CISD1: variants seen among roughly 807,000 people sequenced by gnomAD.
CISD1 encodes CDGSH iron-sulfur domain-containing protein 1.
Under a neutral mutation model 12.0 loss-of-function variants are expected in CISD1, and 8 were observed. The ratio of observed to expected loss-of-function variants is 0.67; its 90% CI spans 0.39 to 1.20. CISD1 has a LOEUF of 1.20. Among genes scored for constraint, CISD1 ranks in the 50% most tolerant of loss-of-function variants. The pLI, the probability that CISD1 is intolerant of heterozygous loss-of-function variation, is 0.01. For missense variants in CISD1, 107 were observed against 132.7 expected (o/e 0.81, Z 0.95); for synonymous variants, 38 against 42.2 (o/e 0.90, Z 0.39).
At position 58,269,171 on chromosome 10, in the gene CISD1, G is replaced by C. The variant is rs1839206125; in HGVS notation, c.-103G>C. 4.0e-6 allele frequency: 5 copies of C among 1,241,368 alleles called. No homozygotes were observed. The highest frequency in any genetic ancestry group is 4.7e-6 in the Non-Finnish European group (4 of 858,786). 76.9% of individuals were successfully genotyped at this position (1,241,368 alleles called of 1,614,324 possible). ...GCGGCGCCTGCGCGGTAGCATCGCG[G>C]AGTCGGTGCTTTAGTACGCCGCTGG... is the stretch of plus-strand genomic sequence containing the variant. On this transcript the variant is annotated 5_prime_UTR_variant, in exon 1 of 3. Coordinates refer to ENST00000333926, the MANE Select transcript of CISD1 (RefSeq NM_018464.5).
intron 1 of CISD1, among the ~76,000 whole-genome samples, chr10:58,272,129 A>C (rs1272856635): frequency 6.6e-6 from 1 of 152,064 alleles, no homozygotes; most frequent in Non-Finnish European, 1.5e-5. Flanking sequence ...TCTTTTGCTT[A>C]AATCTTTGCC....
intron 1 of CISD1, 107 bp downstream of exon 1, chr10:58,269,411 T>A (rs1839214439): frequency 9.6e-7 from 1 of 1,040,722 alleles, no homozygotes; most frequent in Non-Finnish European, 1.4e-6. Context: ...GCCGGTCCTA[T>A]AACCTTGAGA....
At chr10:58,272,747 G>A (rs981455588) in intron 1 of CISD1, among the ~76,000 whole-genome samples, 8 of 152,160 alleles carry the variant, frequency 5.3e-5, no homozygotes, top group Admixed American at 3.9e-4. Flanking sequence ...TGAAACCCCC[G>A]TCTCTACTAA....
intron 2 of CISD1, among the ~76,000 whole-genome samples, chr10:58,284,268 T>C (rs990796296): frequency 6.6e-6 from 1 of 151,858 alleles, no homozygotes; most frequent in African/African-American, 2.4e-5. Flanking sequence ...CCTGGGAGAT[T>C]GAGGCTTCAG....
chr10:58,285,899 G>C (rs1342076298), intron 2 of CISD1, among the ~76,000 whole-genome samples: 1 of 152,146 alleles, frequency 6.6e-6, no homozygotes, highest in Non-Finnish European at 1.5e-5. Flanking sequence ...GAGGAATAAA[G>C]TGATAAAGTT....
In CISD1 at chr10:58,287,919, C is replaced by T. The variant is rs912118606; in HGVS notation, c.*269C>T. The T allele has an allele frequency of 1.3e-5, 4 of 306,620 alleles. No homozygotes were observed. The highest frequency in any genetic ancestry group is 8.6e-5 in the African/African-American group (4 of 46,532). The allele number at this position is 306,620 out of a possible 1,614,324, so 19.0% of individuals were successfully genotyped here. On this transcript the variant is annotated 3_prime_UTR_variant, in exon 3 of 3. Coordinates refer to ENST00000333926, the MANE Select transcript of CISD1 (RefSeq NM_018464.5). ...AGGATCCATTTCTTTAAAATACTGA[C>T]ATATAGAGTTGTACCTTATATAGAA...
intron 2 of CISD1, among the ~76,000 whole-genome samples, chr10:58,285,825 G>T (rs1839422312): frequency 6.6e-6 from 1 of 152,064 alleles, no homozygotes; most frequent in Non-Finnish European, 1.5e-5. Flanking sequence ...ATATACATGA[G>T]ATCTGAGGAT....
chr10:58,276,032 T>C (rs1839311882), intron 1 of CISD1: 1 of 152,206 alleles, frequency 6.6e-6, no homozygotes, highest in African/African-American at 2.4e-5. Context: ...TGGGAACTTA[T>C]TTCAAACACT....
At chr10:58,279,155 C>G (rs1013676560) in intron 2 of CISD1, among the ~76,000 whole-genome samples, 1 of 152,112 alleles carries the variant, frequency 6.6e-6, no homozygotes, top group African/African-American at 2.4e-5. Flanking sequence ...TCTGATGGTT[C>G]CTTGTATACA....
At chr10:58,270,925 G>A (rs775811146) in intron 1 of CISD1, among the ~76,000 whole-genome samples, 1 of 149,478 alleles carries the variant, frequency 6.7e-6, no homozygotes, top group Non-Finnish European at 1.5e-5. Context: ...GTGCAGTGTT[G>A]TGATCATAGC....
intron 1 of CISD1, among the ~76,000 whole-genome samples, chr10:58,275,566 G>A (rs74495544): frequency 0.018 from 2,768 of 152,266 alleles, 92 homozygotes; most frequent in African/African-American, 0.061. Flanking sequence ...TGGGAAAGAC[G>A]AAACATTAGT....
In CISD1 at chr10:58,288,743, T is replaced by C. The variant is rs1383052116; in HGVS notation, c.*1093T>C. 6 of 152,212 alleles carry C rather than the reference T, an allele frequency of 3.9e-5. No homozygotes were observed. The highest frequency in any genetic ancestry group is 7.4e-5 in the Non-Finnish European group (5 of 67,960). The allele number at this position is 152,212 out of a possible 1,614,324, so 9.4% of individuals were successfully genotyped here. A position where few individuals can be genotyped will look rare whatever the true frequency, so the allele number is the denominator to read the frequency against. ...ATTTAAGACAAATAGTTCATAAATA[T>C]TTTTAAAGAGATTAGGTTTTTGAAT... is the stretch of plus-strand genomic sequence containing the variant. On this transcript the variant is annotated 3_prime_UTR_variant, in exon 3 of 3. Coordinates refer to ENST00000333926, the MANE Select transcript of CISD1 (RefSeq NM_018464.5).
chr10:58,274,103 A>G (rs1839282532), intron 1 of CISD1, among the ~76,000 whole-genome samples: 2 of 152,206 alleles, frequency 1.3e-5, no homozygotes, highest in African/African-American at 4.8e-5. Flanking sequence ...ATTGCACTCC[A>G]GCCTGGGCAA....
chr10:58,273,860 A>G (rs888145773), intron 1 of CISD1, among the ~76,000 whole-genome samples: 1 of 152,230 alleles, frequency 6.6e-6, no homozygotes, highest in Non-Finnish European at 1.5e-5. Flanking sequence ...AGGGCTGGTC[A>G]TGGTGGCTCA....
chr10:58,278,900 G>C (rs1839344316), intron 2 of CISD1, among the ~76,000 whole-genome samples: 1 of 152,040 alleles, frequency 6.6e-6, no homozygotes, highest in Admixed American at 6.5e-5. Flanking sequence ...GGAAAAAAAG[G>C]CCCCCCCAGC....
chr10:58,275,660 ACC>A (rs1202897483), intron 1 of CISD1, among the ~76,000 whole-genome samples: 1 of 152,338 alleles, frequency 6.6e-6, no homozygotes, highest in South Asian at 2.1e-4. Context: ...GAAAAATACT[ACC>A]GTGGTTGAAA....
intron 2 of CISD1, among the ~76,000 whole-genome samples, chr10:58,287,195 A>G (rs890668259): frequency 4.6e-5 from 7 of 152,214 alleles, no homozygotes; most frequent in Admixed American, 4.6e-4. Flanking sequence ...TGTTGAGATT[A>G]CAGGCATGAG....
chr10:58,272,225 TA>T (rs11435069), intron 1 of CISD1, among the ~76,000 whole-genome samples: 192 of 140,524 alleles, frequency 1.4e-3, no homozygotes, highest in Middle Eastern at 3.8e-3. Context: ...CCCTCATCTT[TA>T]AAAAAAAAAA....
At chr10:58,272,656 C>T (rs1317545516) in intron 1 of CISD1, among the ~76,000 whole-genome samples, 3 of 152,146 alleles carry the variant, frequency 2.0e-5, no homozygotes, top group African/African-American at 7.2e-5. Context: ...CGGTGGCTCA[C>T]GCCTGTAATC....
Sources: allele counts gnomAD v4.1 joint callset (sites outside exome capture counted in the v4.1 genomes callset), GRCh38; gene constraint gnomAD v4.1.1; transcripts MANE v1.5; gene names NCBI Gene and HGNC (gene_info 2026-07-23, HGNC 2026-07-21).